MAGI1: variants seen among roughly 807,000 people sequenced by gnomAD.
The protein encoded by MAGI1 is membrane associated guanylate kinase, WW and PDZ domain containing 1.
MAGI1 carries 58 observed loss-of-function variants against 139.9 expected under a neutral mutation model. The ratio of observed to expected loss-of-function variants is 0.41; its 90% confidence interval spans 0.34 to 0.52. The LOEUF is 0.52. Ranked by LOEUF, MAGI1 falls within the 20% of genes least tolerant of loss-of-function variation. MAGI1 has a pLI of 0.12. For missense variants in MAGI1, 1,874 were observed against 1,901.6 expected, an observed-to-expected ratio of 0.99 and a Z score of 0.27; for synonymous variants, 812 against 737.9, an observed-to-expected ratio of 1.10 and a Z score of -1.63.
At chr3:65,852,337 G>A (rs1420897032) in intron 1 of MAGI1, among the ~76,000 whole-genome samples, 1 of 151,960 alleles carries the variant, frequency 6.6e-6, no homozygotes, top group East Asian at 1.9e-4. Flanking sequence ...AGGAAGAGGA[G>A]GGTAGTGAGC....
At chr3:65,430,584 T>C in intron 11 of MAGI1, 115 bp downstream of exon 11, 1 of 1,058,930 alleles carries the variant, frequency 9.4e-7, no homozygotes, top group Non-Finnish European at 1.4e-6. Context: ...TGTAAACATG[T>C]GCAATCATGA....
At chr3:65,779,354 G>C (rs2038744174) in intron 1 of MAGI1, among the ~76,000 whole-genome samples, 1 of 152,184 alleles carries the variant, frequency 6.6e-6, no homozygotes, top group South Asian at 2.1e-4. Flanking sequence ...ATTTGCTTCT[G>C]GAAGGGCTCA....
chr3:65,864,140 G>T (rs187472590), intron 1 of MAGI1, among the ~76,000 whole-genome samples: 1 of 152,268 alleles, frequency 6.6e-6, no homozygotes, highest in East Asian at 1.9e-4. Flanking sequence ...ATAATAGCAT[G>T]TATAGCATGA....
chr3:65,962,027 GTTGT>G (rs1172388367), intron 1 of MAGI1, among the ~76,000 whole-genome samples: 3 of 152,078 alleles, frequency 2.0e-5, no homozygotes, highest in African/African-American at 4.8e-5. Context: ...TCATGAAGAG[GTTGT>G]TTGTCTCCTC....
At chr3:65,751,205 T>C (rs1005251586) in intron 1 of MAGI1, among the ~76,000 whole-genome samples, 3 of 152,186 alleles carry the variant, frequency 2.0e-5, no homozygotes, top group African/African-American at 7.2e-5. Context: ...ATCGATCCCA[T>C]TTCTGCCCTT....
chr3:65,916,333 A>G (rs540878487), intron 1 of MAGI1, among the ~76,000 whole-genome samples: 1 of 152,090 alleles, frequency 6.6e-6, no homozygotes, highest in East Asian at 1.9e-4. Flanking sequence ...CCATTGTATT[A>G]GTCTGTTCTC....
chr3:65,616,416 G>C (rs1466843737), intron 2 of MAGI1, among the ~76,000 whole-genome samples: 3 of 152,124 alleles, frequency 2.0e-5, no homozygotes, highest in Non-Finnish European at 2.9e-5. Flanking sequence ...AGATAGAGTC[G>C]AAGCGTTCAG....
At chr3:65,742,623 G>A (rs574953617) in intron 1 of MAGI1, among the ~76,000 whole-genome samples, 1 of 152,324 alleles carries the variant, frequency 6.6e-6, no homozygotes, top group African/African-American at 2.4e-5. Flanking sequence ...CCCAGTGTCT[G>A]CTGGGGTGCA....
intron 18 of MAGI1, among the ~76,000 whole-genome samples, chr3:65,373,659 A>G (rs1017722330): frequency 2.6e-5 from 4 of 152,146 alleles, no homozygotes. Context: ...ACTTCTCACT[A>G]TATTTTCTGG....
intron 1 of MAGI1, among the ~76,000 whole-genome samples, chr3:65,849,918 T>G (rs917518514): frequency 6.6e-6 from 1 of 152,210 alleles, no homozygotes; most frequent in Non-Finnish European, 1.5e-5. Flanking sequence ...AGATTCAACT[T>G]TAAACTGCAC....
intron 1 of MAGI1, among the ~76,000 whole-genome samples, chr3:65,715,517 G>A (rs1031184523): frequency 1.3e-5 from 2 of 152,170 alleles, no homozygotes; most frequent in Non-Finnish European, 1.5e-5. Flanking sequence ...CATCTTGACT[G>A]CAGAAATCAA....
In MAGI1 at chr3:65,676,462, T is replaced by A. The variant is rs189877676; in HGVS notation, c.314-54374A>T. Among the ~76,000 whole-genome samples the A allele has an allele frequency of 2.6e-3, 390 of 152,264 alleles. 4 individuals carry two copies. Among genetic ancestry groups the A allele is most frequent in the African/African-American group, 7.9e-3 (329 of 41,566 alleles). ...AATTTCTGAATCCTCAGATTTTTTT[T>A]AAAAAACGTACTTCTTTTGTTAATT... On this transcript the variant is annotated intron_variant, in intron 1 of 22. Transcript: ENST00000402939.
At chr3:65,815,763 C>G (rs1478788227) in intron 1 of MAGI1, among the ~76,000 whole-genome samples, 1 of 151,948 alleles carries the variant, frequency 6.6e-6, no homozygotes, top group Non-Finnish European at 1.5e-5. Flanking sequence ...GATTCATATA[C>G]CTTATCTTAA....
At chr3:65,758,281 C>T (rs1163169060) in intron 1 of MAGI1, among the ~76,000 whole-genome samples, 1 of 152,048 alleles carries the variant, frequency 6.6e-6, no homozygotes, top group African/African-American at 2.4e-5. Flanking sequence ...AAACAAAACT[C>T]GGGGAAAGGA....
chr3:65,558,159 G>A (rs924072455), intron 2 of MAGI1, among the ~76,000 whole-genome samples: 3 of 152,156 alleles, frequency 2.0e-5, no homozygotes, highest in Non-Finnish European at 2.9e-5. Flanking sequence ...ACAATGTCCT[G>A]CTTATTAATA....
At chr3:65,510,324 GAGA>G (rs2077519562) in intron 2 of MAGI1, among the ~76,000 whole-genome samples, 1 of 152,318 alleles carries the variant, frequency 6.6e-6, no homozygotes, top group African/African-American at 2.4e-5. Flanking sequence ...GATGAGCTGA[GAGA>G]AGAAGGCTTC....
At chr3:65,387,807 C>A (rs1416975978) in intron 14 of MAGI1, among the ~76,000 whole-genome samples, 2 of 152,216 alleles carry the variant, frequency 1.3e-5, no homozygotes, top group Non-Finnish European at 1.5e-5. Flanking sequence ...GCTTCTTAAG[C>A]TCACTATGAT....
intron 2 of MAGI1, among the ~76,000 whole-genome samples, chr3:65,525,991 T>C (rs2078360637): frequency 6.6e-6 from 1 of 152,214 alleles, no homozygotes; most frequent in African/African-American, 2.4e-5. Context: ...AAAATGTATA[T>C]GGAAAAAGGC....
intron 2 of MAGI1, chr3:65,620,115 A>G: frequency 3.5e-6 from 1 of 289,420 alleles, no homozygotes; most frequent in South Asian, 1.4e-4. Flanking sequence ...TAACCATGGT[A>G]ACACCACAGA....
Sources: allele counts gnomAD v4.1 joint callset (sites outside exome capture counted in the v4.1 genomes callset), GRCh38; gene constraint gnomAD v4.1.1; transcripts MANE v1.5; gene names NCBI Gene and HGNC (gene_info 2026-07-23, HGNC 2026-07-21).